Variants in DNAH5 observed in about 807,000 individuals in gnomAD.
The protein encoded by DNAH5 is dynein axonemal heavy chain 5, also known as axonemal beta dynein heavy chain 5.
A neutral mutation model predicts 518.2 loss-of-function variants in DNAH5; 372 were observed. The observed-to-expected ratio is 0.72, with a 90% CI of 0.66 to 0.78. The LOEUF (loss-of-function observed/expected upper bound fraction) is 0.78, where lower values mean the gene tolerates loss of function less well. Ranked by LOEUF, DNAH5 falls within the 30% of genes least tolerant of loss-of-function variation. The probability of loss-of-function intolerance (pLI) is 0.00; values close to 1 mark genes in which losing one functional copy is unlikely to be tolerated. For synonymous variants in DNAH5, 2,039 were observed against 2,025.9 expected, an observed-to-expected ratio of 1.01 and a Z score of -0.17; for missense variants, 5,523 against 5,687.0, an observed-to-expected ratio of 0.97 and a Z score of 0.93.
chr5:13,979,842 G>GA (rs536033634), intron 1 of DNAH5, among the ~76,000 whole-genome samples: 1 of 135,824 alleles, frequency 7.4e-6, no homozygotes, highest in Non-Finnish European at 1.6e-5. Context: ...GTTTTTTGGG[G>GA]TTTTTTTTTT....
chr5:13,964,537 C>T (rs1376674960), intron 1 of DNAH5, among the ~76,000 whole-genome samples: 1 of 152,238 alleles, frequency 6.6e-6, no homozygotes, highest in Non-Finnish European at 1.5e-5. Context: ...AGGACGTGGA[C>T]TCCAGCTGCA....
intron 15 of DNAH5, among the ~76,000 whole-genome samples, chr5:13,895,536 C>A (rs1294118769): frequency 6.6e-6 from 1 of 152,148 alleles, no homozygotes; most frequent in Admixed American, 6.5e-5. Flanking sequence ...TAGACTACAC[C>A]CATCACCCAA....
At position 13,793,599 on chromosome 5, in the gene DNAH5, T is replaced by G. The variant is rs1580274495; in HGVS notation, c.8140A>C (p.Asn2714His). ...CTCTTGAGTCTTTGGGGTATGTCAT[T>G]GCGTCCACCACCAGGATGGATCATG... ...AAMIHPGGGR[N>H]DIPQRLKRQF... Residue 2714 changes from asparagine (N) to histidine (H), a missense_variant, in exon 49 of 79, where the codon AAT becomes CAT. Coordinates refer to ENST00000265104, the MANE Select transcript of DNAH5 (RefSeq NM_001369.3). The G allele has an allele frequency of 6.2e-7, 1 of 1,614,156 alleles. No individual in the cohort carries two copies. Among genetic ancestry groups the G allele is most frequent in the East Asian group, 2.2e-5 (1 of 44,876 alleles).
intron 30 of DNAH5, among the ~76,000 whole-genome samples, chr5:13,853,081 C>T (rs112553361): frequency 2.0e-5 from 3 of 152,232 alleles, no homozygotes; most frequent in South Asian, 2.1e-4. Context: ...CAGGGAGACA[C>T]TTCCCAGCAG....
At position 13,769,071 on chromosome 5, in the gene DNAH5, C is replaced by T. The variant is rs2126776574; in HGVS notation, c.9786G>A (p.Val3262=). 6.2e-7 allele frequency: 1 copy of T among 1,614,230 alleles called. No individual in the cohort carries two copies. Residue 3262 remains valine, a synonymous_variant, in exon 58 of 79, where the codon GTG becomes GTA. Coordinates refer to ENST00000265104, the MANE Select transcript of DNAH5 (RefSeq NM_001369.3). The part of the protein sequence containing the change: ...AEKVKAEVQK[V]KDRAQAIVDS... ...CCACAATGGCCTGGGCCCTGTCCTT[C>T]ACCTTCTGTACCTCAGCCTTGACCT... is the stretch of plus-strand genomic sequence containing the variant.
At chr5:13,806,438 C>T (rs982192129) in intron 47 of DNAH5, among the ~76,000 whole-genome samples, 8 of 152,132 alleles carry the variant, frequency 5.3e-5, no homozygotes, top group East Asian at 1.9e-4. Flanking sequence ...ATTGGCACTC[C>T]GCTGTCACCA....
At chr5:13,747,057 G>T (rs993524537) in intron 65 of DNAH5, among the ~76,000 whole-genome samples, 1 of 147,186 alleles carries the variant, frequency 6.8e-6, no homozygotes, top group African/African-American at 2.5e-5. Flanking sequence ...CCCCACAACA[G>T]GCCCCAGTGT....
intron 1 of DNAH5, among the ~76,000 whole-genome samples, chr5:13,953,031 C>G (rs925597794): frequency 2.0e-5 from 3 of 152,224 alleles, no homozygotes; most frequent in African/African-American, 7.2e-5. Flanking sequence ...ACTGTTGTTT[C>G]CTTCAAGAGC....
intron 1 of DNAH5, among the ~76,000 whole-genome samples, chr5:13,954,695 C>A (rs926754968): frequency 6.6e-6 from 1 of 152,200 alleles, no homozygotes; most frequent in East Asian, 1.9e-4. Flanking sequence ...GGTTAACACT[C>A]GAATCTGTTC....
intron 30 of DNAH5, among the ~76,000 whole-genome samples, chr5:13,858,843 T>A (rs1767986068): frequency 6.6e-6 from 1 of 152,216 alleles, no homozygotes; most frequent in African/African-American, 2.4e-5. Context: ...TAATCTTGCA[T>A]ACGACTTAAG....
intron 74 of DNAH5, among the ~76,000 whole-genome samples, 186 bp from the exon 75 acceptor site, chr5:13,714,806 T>C (rs572638119): frequency 6.6e-6 from 1 of 152,328 alleles, no homozygotes; most frequent in South Asian, 2.1e-4. Flanking sequence ...ACAATTAACA[T>C]TGAGAAACAG....
intron 40 of DNAH5, among the ~76,000 whole-genome samples, chr5:13,822,881 C>T (rs929850252): frequency 3.3e-5 from 5 of 152,010 alleles, no homozygotes; most frequent in South Asian, 2.1e-4. Context: ...GCAAATAACA[C>T]GCAGAGGCAG....
In DNAH5 at chr5:13,820,389, A is replaced by G. The variant is rs1199084520; in HGVS notation, c.6798T>C (p.Ala2266=). 6.2e-7 allele frequency: 1 copy of G among 1,613,298 alleles called. No homozygotes were observed. Among genetic ancestry groups the G allele is most frequent in the Non-Finnish European group, 8.5e-7 (1 of 1,180,010 alleles). ...HGMMTLGPSG[A]GKTTCIHTLM... ...AGGTGTGGATGCAGGTGGTCTTCCC[A>G]GCCCCACTGGGCCCCAGAGTCATCA... Residue 2266 remains alanine, a synonymous_variant, in exon 41 of 79, where the codon GCT becomes GCC. Coordinates refer to ENST00000265104, the MANE Select transcript of DNAH5 (RefSeq NM_001369.3).
chr5:13,804,881 G>T (rs1220358688), intron 47 of DNAH5, among the ~76,000 whole-genome samples: 6 of 152,058 alleles, frequency 3.9e-5, no homozygotes. Context: ...CTTTTTCCAG[G>T]AAACGAGTAC....
At chr5:13,708,857 T>C (rs1743145752) in intron 75 of DNAH5, among the ~76,000 whole-genome samples, 1 of 152,358 alleles carries the variant, frequency 6.6e-6, no homozygotes, top group Non-Finnish European at 1.5e-5. Flanking sequence ...TATCAGATAT[T>C]GTGTTAGGCT....
intron 52 of DNAH5, among the ~76,000 whole-genome samples, chr5:13,783,461 C>A (rs1169468063): frequency 2.6e-5 from 4 of 152,076 alleles, no homozygotes; most frequent in African/African-American, 9.7e-5. Flanking sequence ...GATAAACTTT[C>A]CACAAGGTAG....
At chr5:13,864,929 CAT>C (rs1769000847) in intron 27 of DNAH5, among the ~76,000 whole-genome samples, 1 of 151,728 alleles carries the variant, frequency 6.6e-6, no homozygotes, top group African/African-American at 2.4e-5. Flanking sequence ...ATTCTACAAA[CAT>C]GTACTGAGAA....
intron 16 of DNAH5, among the ~76,000 whole-genome samples, chr5:13,891,767 T>C (rs145155916): frequency 1.8e-4 from 28 of 152,372 alleles, no homozygotes; most frequent in African/African-American, 6.3e-4. Flanking sequence ...CTATTTTTTC[T>C]TTCACTGTAA....
upstream of DNAH5, among the ~76,000 whole-genome samples, chr5:13,944,995 A>G (rs1406513502): frequency 1.3e-5 from 2 of 152,230 alleles, no homozygotes; most frequent in Non-Finnish European, 2.9e-5. Flanking sequence ...CACTGCCAGC[A>G]TTGTGACTAA....
Sources: allele counts gnomAD v4.1 joint callset (sites outside exome capture counted in the v4.1 genomes callset), GRCh38; gene constraint gnomAD v4.1.1; transcripts MANE v1.5; gene names NCBI Gene and HGNC (gene_info 2026-07-23, HGNC 2026-07-21).